LDLRAP1: variants seen among roughly 807,000 people sequenced by gnomAD.
LDLRAP1 encodes the protein low density lipoprotein receptor adaptor protein 1, also known as low density lipoprotein receptor adapter protein 1.
In LDLRAP1, 30 loss-of-function variants were observed where a neutral mutation model predicts 37.8. That is an observed-to-expected ratio of 0.79 (90% CI 0.59 to 1.08). The LOEUF (loss-of-function observed/expected upper bound fraction) is 1.08, where lower values mean the gene tolerates loss of function less well. Ranked by LOEUF, LDLRAP1 falls within the 50% of genes least tolerant of loss-of-function variation. The pLI is 0.00. For missense variants in LDLRAP1, 375 were observed against 401.6 expected, an observed-to-expected ratio of 0.93 and a Z score of 0.57; for synonymous variants, 156 against 169.8, an observed-to-expected ratio of 0.92 and a Z score of 0.63.
At position 25,555,168 on chromosome 1, in the gene LDLRAP1, C is replaced by G. The variant is rs2044170865; in HGVS notation, c.344+196C>G. Reference sequence around the variant, plus strand: ...AACGTGGAGTGCACGGCACCTGGCTCATGATGAGCATTTGGTTAAGTGGCA... The same window carrying G: ...AACGTGGAGTGCACGGCACCTGGCTGATGATGAGCATTTGGTTAAGTGGCA... On this transcript the variant is annotated intron_variant, in intron 3 of 8. Coordinates refer to ENST00000374338, the MANE Select transcript of LDLRAP1 (RefSeq NM_015627.3). The surrounding 1 kb of genome is among the most constrained non-coding windows in gnomAD (Gnocchi z 4.7). Among the ~76,000 whole-genome samples the G allele has an allele frequency of 6.6e-6, 1 of 152,240 alleles. No individual in the cohort carries two copies. The highest frequency in any genetic ancestry group is 1.5e-5 in the Non-Finnish European group (1 of 68,048).
the LDLRAP1 span, among the ~76,000 whole-genome samples, chr1:25,586,694 C>T: frequency 6.6e-6 from 1 of 152,140 alleles, no homozygotes; most frequent in Non-Finnish European, 1.5e-5. This position sits in a 1 kb window ranked among gnomAD's most constrained non-coding sequence, Gnocchi z 4.3. Context: ...TCTTTGCCCT[C>T]ACTGGGCTTC....
chr1:25,566,968 G>A lies in LDLRAP1; in HGVS notation c.903G>A (p.Glu301=). 2.5e-6 allele frequency: 4 copies of A among 1,613,510 alleles called. No individual in the cohort carries two copies. The highest frequency in any genetic ancestry group is 3.4e-6 in the Non-Finnish European group (4 of 1,180,024). Residue 301 remains glutamate, a synonymous_variant, in exon 9 of 9, where the codon GAG becomes GAA. Coordinates refer to ENST00000374338, the MANE Select transcript of LDLRAP1 (RefSeq NM_015627.3). ...ACAAGCCTGACAGCAGCGGCACAGA[G>A]CAGGATGACCTCTTCAGCTTCTGAG... is the stretch of plus-strand genomic sequence containing the variant. ...DWDKPDSSGT[E]QDDLFSF is the part of the protein sequence containing the mutation.
intron 1 of LDLRAP1, among the ~76,000 whole-genome samples, chr1:25,551,285 G>A (rs1191050074): frequency 6.6e-6 from 1 of 152,134 alleles, no homozygotes; most frequent in Non-Finnish European, 1.5e-5. Flanking sequence ...TTAGGTATTA[G>A]GAATACCTAA....
At chr1:25,582,901 G>A in the LDLRAP1 span, among the ~76,000 whole-genome samples, 4 of 151,914 alleles carry the variant, frequency 2.6e-5, no homozygotes, top group South Asian at 4.2e-4. Flanking sequence ...GTGAAACCCC[G>A]TCTCTACTAA....
At chr1:25,583,871 A>G in the LDLRAP1 span, among the ~76,000 whole-genome samples, 1 of 151,952 alleles carries the variant, frequency 6.6e-6, no homozygotes, top group Non-Finnish European at 1.5e-5. Context: ...ATTTCATATA[A>G]ATGGATTCCT....
rs146446252 is a variant in LDLRAP1 at position 25,558,011 on chromosome 1, G to C, written c.459+744G>C. On this transcript the variant is annotated intron_variant, in intron 4 of 8. Coordinates refer to ENST00000374338, the MANE Select transcript of LDLRAP1 (RefSeq NM_015627.3). ...TCCCTGCGTGACTGGGGAGTTCAGA[G>C]CTCCTTGTCTCATTTCCAGGACACC... Among the ~76,000 whole-genome samples the C allele has an allele frequency of 6.8e-4, 104 of 152,260 alleles. 1 individual carries two copies. The highest frequency in any genetic ancestry group is 6.8e-3 in the Middle Eastern group (2 of 294).
At chr1:25,563,995 T>C (rs2044414900) in intron 7 of LDLRAP1, 1 of 664,818 alleles carries the variant, frequency 1.5e-6, no homozygotes, top group Admixed American at 2.2e-5. Flanking sequence ...CAGGCTTGGC[T>C]CCCAGCACAG....
chr1:25,576,834 T>C, the LDLRAP1 span, among the ~76,000 whole-genome samples: 2 of 152,210 alleles, frequency 1.3e-5, no homozygotes, highest in African/African-American at 4.8e-5. Flanking sequence ...TTGGCTAAGG[T>C]CACACAGAAG....
intron 4 of LDLRAP1, among the ~76,000 whole-genome samples, chr1:25,558,915 C>T (rs1387764691): frequency 2.0e-5 from 3 of 152,292 alleles, no homozygotes; most frequent in East Asian, 1.9e-4. Context: ...GACAGTCTAG[C>T]GGTCTCCTGG....
intron 7 of LDLRAP1, chr1:25,564,081 C>A (rs1048332385): frequency 4.5e-6 from 2 of 448,284 alleles, no homozygotes; most frequent in African/African-American, 4.0e-5. Context: ...CCAAAGGCGC[C>A]CTTGTTCTTG....
At position 25,568,213 on chromosome 1, in the gene LDLRAP1, CTT is replaced by C. The variant is rs1250998769; in HGVS notation, c.*1222_*1223del. 1 of 152,634 alleles carries C rather than the reference CTT, an allele frequency of 6.6e-6. No individual in the cohort carries two copies. Among genetic ancestry groups the C allele is most frequent in the African/African-American group, 2.4e-5 (1 of 41,454 alleles). The allele number at this position is 152,634 out of a possible 1,614,324, so 9.5% of individuals were successfully genotyped here. A position where few individuals can be genotyped will look rare whatever the true frequency, so the allele number is the denominator to read the frequency against. On this transcript the variant is annotated 3_prime_UTR_variant, in exon 9 of 9. Coordinates refer to ENST00000374338, the MANE Select transcript of LDLRAP1 (RefSeq NM_015627.3). ...GCCTCGTGTCCTGCTAGCTGTCTCT[CTT>C]GTTGATTTCCGTGAAAATGCAAGTG...
downstream of LDLRAP1, among the ~76,000 whole-genome samples, chr1:25,569,890 C>T (rs768638760): frequency 6.6e-6 from 1 of 152,206 alleles, no homozygotes; most frequent in Non-Finnish European, 1.5e-5. Context: ...CTTACCCCGC[C>T]ATGTCCTGGC....
At chr1:25,545,708 GC>G (rs1440156598) in intron 1 of LDLRAP1, among the ~76,000 whole-genome samples, 2 of 152,190 alleles carry the variant, frequency 1.3e-5, no homozygotes, top group East Asian at 3.9e-4. Flanking sequence ...GGCAGGCCGA[GC>G]CCCACCTGTC....
At chr1:25,575,318 G>A in the LDLRAP1 span, among the ~76,000 whole-genome samples, 2 of 151,708 alleles carry the variant, frequency 1.3e-5, no homozygotes, top group Non-Finnish European at 2.9e-5. Context: ...AGGCATAGGG[G>A]CTCATGCCTG....
At chr1:25,549,782 TG>T (rs1188596160) in intron 1 of LDLRAP1, among the ~76,000 whole-genome samples, 6 of 152,120 alleles carry the variant, frequency 3.9e-5, no homozygotes, top group Non-Finnish European at 7.4e-5. Context: ...GCCCTACCAA[TG>T]GGCCTTCACT....
downstream of LDLRAP1, among the ~76,000 whole-genome samples, chr1:25,569,285 TATCA>T (rs1347079042): frequency 6.6e-6 from 1 of 151,904 alleles, no homozygotes; most frequent in Admixed American, 6.5e-5. Context: ...CGCAACACTT[TATCA>T]TTCCACAGAC....
At chr1:25,565,362 G>T (rs1191093703) in intron 8 of LDLRAP1, among the ~76,000 whole-genome samples, 155 bp downstream of exon 8, 1 of 152,106 alleles carries the variant, frequency 6.6e-6, no homozygotes, top group Non-Finnish European at 1.5e-5. Context: ...ATGCTTCCAG[G>T]GGCAGGGAGC....
In LDLRAP1 at chr1:25,557,281, G is replaced by T. The variant is rs767937003; in HGVS notation, c.459+14G>T. 3 of 1,595,776 alleles carry T rather than the reference G, an allele frequency of 1.9e-6. No individual in the cohort carries two copies. Among genetic ancestry groups the T allele is most frequent in the South Asian group, 1.1e-5 (1 of 90,730 alleles). ...AAGCGGAAGATGGTCAGCGGGGAGG[G>T]CTGGGGCGGGGACAGGGTCCAGTGG... On this transcript the variant is annotated intron_variant, in intron 4 of 8. Coordinates refer to ENST00000374338, the MANE Select transcript of LDLRAP1 (RefSeq NM_015627.3).
intron 1 of LDLRAP1, among the ~76,000 whole-genome samples, chr1:25,548,784 CTG>C (rs2044001550): frequency 1.3e-5 from 2 of 152,182 alleles, no homozygotes; most frequent in Non-Finnish European, 2.9e-5. Context: ...AGGGATCCTC[CTG>C]GGTAGCTAGA....
Sources: allele counts gnomAD v4.1 joint callset (sites outside exome capture counted in the v4.1 genomes callset), GRCh38; gene constraint gnomAD v4.1.1; non-coding constraint Gnocchi (gnomAD v3.1); transcripts MANE v1.5; gene names NCBI Gene and HGNC (gene_info 2026-07-23, HGNC 2026-07-21).